Variants in DSCAM observed in about 807,000 individuals in gnomAD.
DSCAM encodes cell adhesion molecule DSCAM.
Under a neutral mutation model 217.7 loss-of-function variants are expected in DSCAM, and 47 were observed. That is an observed-to-expected ratio of 0.22 (90% CI 0.17 to 0.28). The LOEUF (loss-of-function observed/expected upper bound fraction) is 0.28. Ranked by LOEUF, DSCAM falls within the 10% of genes least tolerant of loss-of-function variation. The probability of loss-of-function intolerance (pLI) is 1.00; values close to 1 mark genes in which losing one functional copy is unlikely to be tolerated. For missense variants in DSCAM, 2,080 were observed against 2,618.3 expected, an observed-to-expected ratio of 0.79 and a Z score of 4.49; for synonymous variants, 1,056 against 1,015.3, an observed-to-expected ratio of 1.04 and a Z score of -0.76.
In DSCAM at chr21:40,430,609, T is replaced by C. The variant is rs8128203; in HGVS notation, c.509-61364A>G. Among the ~76,000 whole-genome samples, 1,015 of 152,316 alleles carry C rather than the reference T, an allele frequency of 6.7e-3. 14 individuals are homozygous for C. The highest frequency in any genetic ancestry group is 0.023 in the African/African-American group (958 of 41,558). The stretch of plus-strand genomic sequence containing the variant: ...TATGATTGTGTAAGTTAATACGTAA[T>C]AAACTCCCCTATATATATACACACA... On this transcript the variant is annotated intron_variant, in intron 3 of 32. Transcript: ENST00000400454.
chr21:40,398,616 TCTTTC>T (rs1236784461), intron 3 of DSCAM, among the ~76,000 whole-genome samples: 1 of 150,816 alleles, frequency 6.6e-6, no homozygotes, highest in Non-Finnish European at 1.5e-5. Context: ...ATTAGAAGTT[TCTTTC>T]CTTTCTTTTT....
At chr21:40,377,389 T>G (rs1569093630) in intron 3 of DSCAM, among the ~76,000 whole-genome samples, 1 of 151,630 alleles carries the variant, frequency 6.6e-6, no homozygotes, top group Admixed American at 6.6e-5. Context: ...CAAGCGGAGG[T>G]ACAACCAGAG....
At chr21:40,200,017 T>TTC (rs10656782) in intron 11 of DSCAM, among the ~76,000 whole-genome samples, 1 of 35,556 alleles carries the variant, frequency 2.8e-5, no homozygotes, top group African/African-American at 3.4e-4. Context: ...CTCAGGATTC[T>TTC]TTTTTTTTTT....
intron 3 of DSCAM, among the ~76,000 whole-genome samples, chr21:40,461,379 C>T (rs1325292060): frequency 6.6e-6 from 1 of 152,114 alleles, no homozygotes; most frequent in Non-Finnish European, 1.5e-5. Context: ...GGCACACATA[C>T]ATATGATTCA....
At chr21:40,467,714 T>C (rs1355670395) in intron 3 of DSCAM, among the ~76,000 whole-genome samples, 1 of 152,074 alleles carries the variant, frequency 6.6e-6, no homozygotes, top group Non-Finnish European at 1.5e-5. Flanking sequence ...TATCTAAGAA[T>C]TGATTAAAAA....
chr21:40,609,670 G>A (rs577390445), intron 3 of DSCAM, among the ~76,000 whole-genome samples: 1 of 152,340 alleles, frequency 6.6e-6, no homozygotes, highest in Non-Finnish European at 1.5e-5. Context: ...AGGAAGGGGA[G>A]AGCATTGTTA....
chr21:40,252,639 G>A (rs2073320383), intron 11 of DSCAM, among the ~76,000 whole-genome samples: 2 of 152,132 alleles, frequency 1.3e-5, no homozygotes, highest in Admixed American at 1.3e-4. Context: ...GGGCCAGCCG[G>A]GTGGCCAGGT....
intron 30 of DSCAM, among the ~76,000 whole-genome samples, chr21:40,048,865 A>C (rs2088884039): frequency 6.6e-6 from 1 of 152,188 alleles, no homozygotes; most frequent in Non-Finnish European, 1.5e-5. Context: ...CATGGGTTTC[A>C]GACTCTTGAA....
At chr21:40,325,901 C>T (rs901980535) in intron 8 of DSCAM, among the ~76,000 whole-genome samples, 4 of 151,872 alleles carry the variant, frequency 2.6e-5, no homozygotes, top group African/African-American at 9.7e-5. Context: ...TACTACTGGC[C>T]CTCTAGTAAT....
In DSCAM at chr21:40,846,712, C is replaced by G; in HGVS notation, c.-51G>C. ...CGAGCGACGCGCCGGCCTCGCCCCCCGCGCTCCGCCCGGCCCGGCTCCGCT... is the reference window on the plus strand; with the variant it reads ...CGAGCGACGCGCCGGCCTCGCCCCCGGCGCTCCGCCCGGCCCGGCTCCGCT... On this transcript the variant is annotated 5_prime_UTR_variant, in exon 1 of 33. Coordinates refer to ENST00000400454, the MANE Select transcript of DSCAM (RefSeq NM_001389.5). 1 of 965,298 alleles carries G rather than the reference C, an allele frequency of 1.0e-6. No individual in the cohort carries two copies. The highest frequency in any genetic ancestry group is 4.7e-5 in the South Asian group (1 of 21,346). The allele number at this position is 965,298 out of a possible 1,614,324, so 59.8% of individuals were successfully genotyped here.
chr21:40,290,832 G>T (rs1022361064), intron 10 of DSCAM, among the ~76,000 whole-genome samples: 1 of 152,142 alleles, frequency 6.6e-6, no homozygotes, highest in Non-Finnish European at 1.5e-5. Flanking sequence ...TCTTCACTAT[G>T]TCCAAATAAC....
intron 8 of DSCAM, among the ~76,000 whole-genome samples, chr21:40,319,722 G>C (rs953820850): frequency 2.6e-5 from 4 of 152,112 alleles, no homozygotes; most frequent in African/African-American, 9.7e-5. Flanking sequence ...TCTCCACACA[G>C]CCTTGCCAAC....
Position 40,187,099 on chromosome 21 carries a change from G to A in DSCAM, c.2779+32C>T, listed in dbSNP as rs763198785. On this transcript the variant is annotated intron_variant, in intron 14 of 32. Transcript: ENST00000400454. ...GAAAAATAAAAGAACTTTCTGAGGT[G>A]GAAGGGAAGCTGGAGGAAGTAAAGA... 4.2e-5 allele frequency: 68 copies of A among 1,609,938 alleles called. No individual in the cohort carries two copies. The South Asian group carries it at 6.6e-4, about 16-fold the overall frequency.
intron 9 of DSCAM, among the ~76,000 whole-genome samples, chr21:40,309,551 G>C (rs1221004847): frequency 6.6e-6 from 1 of 151,992 alleles, no homozygotes; most frequent in Non-Finnish European, 1.5e-5. Flanking sequence ...GTGACTGCTG[G>C]GACAGGTGCT....
At chr21:40,443,475 G>A (rs1172982940) in intron 3 of DSCAM, among the ~76,000 whole-genome samples, 1 of 152,068 alleles carries the variant, frequency 6.6e-6, no homozygotes, top group African/African-American at 2.4e-5. Flanking sequence ...TCCATTCATG[G>A]TGGTCTGTGT....
chr21:40,361,121 T>C (rs1162694927), intron 4 of DSCAM, among the ~76,000 whole-genome samples: 1 of 149,354 alleles, frequency 6.7e-6, no homozygotes, highest in Non-Finnish European at 1.5e-5. Flanking sequence ...CTCAAAGTCT[T>C]CAAACTTTTA....
At chr21:40,513,822 TAGAG>T (rs1568867198) in intron 3 of DSCAM, among the ~76,000 whole-genome samples, 2 of 151,920 alleles carry the variant, frequency 1.3e-5, no homozygotes, top group East Asian at 1.9e-4. Flanking sequence ...AATAACATAT[TAGAG>T]AGAGAATTTA....
intron 1 of DSCAM, among the ~76,000 whole-genome samples, chr21:40,761,866 T>C (rs1305034868): frequency 6.6e-6 from 1 of 152,048 alleles, no homozygotes; most frequent in East Asian, 1.9e-4. Flanking sequence ...GACTACTGGG[T>C]AAATAACAAA....
intron 1 of DSCAM, among the ~76,000 whole-genome samples, chr21:40,838,089 A>G (rs1194455373): frequency 6.6e-6 from 1 of 152,234 alleles, no homozygotes; most frequent in Non-Finnish European, 1.5e-5. Flanking sequence ...TTTCCTTATT[A>G]TATAGGAAAT....
Sources: gnomAD v4.1 joint callset for allele counts (sites outside exome capture counted in the v4.1 genomes callset) on GRCh38, gnomAD v4.1.1 for gene constraint, MANE v1.5 for transcripts, NCBI Gene and HGNC (gene_info 2026-07-23, HGNC 2026-07-21) for gene names.